Variants in PLD5 observed in about 807,000 individuals in gnomAD.
The protein encoded by PLD5 is inactive phospholipase D5.
Under a neutral mutation model 61.1 loss-of-function variants are expected in PLD5, and 36 were observed. That is an observed-to-expected ratio of 0.59 (90% CI 0.45 to 0.78). PLD5 has a LOEUF of 0.78. Ranked by LOEUF, PLD5 falls within the 30% of genes least tolerant of loss-of-function variation. The probability of loss-of-function intolerance (pLI) is 0.00; values close to 1 mark genes in which losing one functional copy is unlikely to be tolerated. For missense variants in PLD5, 515 were observed against 644.4 expected (o/e 0.80, Z 2.17); for synonymous variants, 243 against 242.8 (o/e 1.00, Z -0.01).
At chr1:242,447,886 G>T (rs758346163) in intron 1 of PLD5, among the ~76,000 whole-genome samples, 1 of 152,204 alleles carries the variant, frequency 6.6e-6, no homozygotes, top group Non-Finnish European at 1.5e-5. Flanking sequence ...GAGGGACTCT[G>T]CATTTCAGCC....
chr1:242,299,614 T>C (rs536475812), intron 2 of PLD5, among the ~76,000 whole-genome samples: 18 of 152,282 alleles, frequency 1.2e-4, no homozygotes, highest in Admixed American at 9.8e-4. Flanking sequence ...ATTCTGGGTG[T>C]TTTTCCCCCC....
rs148249355 is a variant in PLD5 at position 242,110,537 on chromosome 1, C to T, written c.1071-2698G>A. 4.4e-3 allele frequency among the ~76,000 whole-genome samples: 669 copies of T among 152,238 alleles called. 6 individuals are homozygous for T. Among genetic ancestry groups the T allele is most frequent in the South Asian group, 0.017 (80 of 4,820 alleles). Reference sequence around the variant, plus strand: ...AATATTTGTTGACTGAAGCCAGGCGCGGTGGCTCATACCTGTAATCCTAGT... The same window carrying T: ...AATATTTGTTGACTGAAGCCAGGCGTGGTGGCTCATACCTGTAATCCTAGT... On this transcript the variant is annotated intron_variant, in intron 7 of 9. Coordinates refer to ENST00000536534, the MANE Select transcript of PLD5 (RefSeq NM_001372062.1).
At chr1:242,150,758 T>C (rs1233941265) in intron 5 of PLD5, among the ~76,000 whole-genome samples, 1 of 151,880 alleles carries the variant, frequency 6.6e-6, no homozygotes, top group Non-Finnish European at 1.5e-5. Flanking sequence ...TCTGTCAATC[T>C]TTTTCTTTTA....
intron 5 of PLD5, among the ~76,000 whole-genome samples, chr1:242,137,839 G>A (rs1366417726): frequency 6.6e-6 from 1 of 151,902 alleles, no homozygotes; most frequent in African/African-American, 2.4e-5. Context: ...ACTGAATGTG[G>A]GGGAAAAAGA....
intron 5 of PLD5, among the ~76,000 whole-genome samples, chr1:242,158,020 C>G (rs1169333814): frequency 4.6e-5 from 7 of 150,908 alleles, no homozygotes; most frequent in Non-Finnish European, 6.0e-5. Context: ...GAGGAGAAAT[C>G]TGGCAGTCTG....
At chr1:242,197,268 G>C (rs545911023) in intron 5 of PLD5, among the ~76,000 whole-genome samples, 1 of 152,126 alleles carries the variant, frequency 6.6e-6, no homozygotes, top group African/African-American at 2.4e-5. Flanking sequence ...TTCCTAAATG[G>C]TTCCCTTATT....
At chr1:242,327,651 A>G (rs1574740125) in intron 2 of PLD5, among the ~76,000 whole-genome samples, 1 of 152,358 alleles carries the variant, frequency 6.6e-6, no homozygotes, top group Non-Finnish European at 1.5e-5. Context: ...TCCTAAAAAA[A>G]CAGACTGATG....
chr1:242,109,044 TATACCC>T (rs1661279880), intron 7 of PLD5, among the ~76,000 whole-genome samples: 1 of 152,220 alleles, frequency 6.6e-6, no homozygotes, highest in Non-Finnish European at 1.5e-5. Context: ...TGTCTGGTTT[TATACCC>T]ATGAAGCTGA....
chr1:242,427,265 T>C (rs1402593923), intron 1 of PLD5, among the ~76,000 whole-genome samples: 1 of 152,240 alleles, frequency 6.6e-6, no homozygotes. Flanking sequence ...AAGGATACTG[T>C]AGAAAGTTTC....
At chr1:242,107,590 A>G (rs544568462) in intron 8 of PLD5, 81 bp downstream of exon 8, 61 of 1,311,624 alleles carry the variant, frequency 4.7e-5, no homozygotes, top group Non-Finnish European at 6.0e-5. Flanking sequence ...AACTTTACAC[A>G]TAGGCGTATG....
intron 1 of PLD5, among the ~76,000 whole-genome samples, chr1:242,523,089 G>C (rs1241000647): frequency 6.6e-6 from 1 of 152,186 alleles, no homozygotes; most frequent in African/African-American, 2.4e-5. Context: ...GGAAATGCGT[G>C]AGTTCCAGGA....
intron 5 of PLD5, among the ~76,000 whole-genome samples, chr1:242,170,498 T>TCTC (rs1666668418): frequency 6.6e-6 from 1 of 151,552 alleles, no homozygotes; most frequent in Non-Finnish European, 1.5e-5. Context: ...GAACACCTCT[T>TCTC]CTCCAAAGGA....
At chr1:242,223,847 TAAATAG>T (rs1004995496) in intron 4 of PLD5, among the ~76,000 whole-genome samples, 4 of 119,360 alleles carry the variant, frequency 3.4e-5, no homozygotes, top group African/African-American at 6.9e-5. Context: ...TAGATATATA[TAAATAG>T]AGAGAGAGAG....
chr1:242,090,100 A>G lies in PLD5; in HGVS notation c.1365T>C (p.Asp455=), dbSNP rs776281480. 1.9e-6 allele frequency: 3 copies of G among 1,613,772 alleles called. No individual in the cohort carries two copies. Among genetic ancestry groups the G allele is most frequent in the Admixed American group, 1.7e-5 (1 of 60,008 alleles). Reference sequence around the variant, plus strand: ...TCTGAGTGAAATCATTCCCTACCCAATCAAAATTTCCTGCAAACAAACAAA... The same window carrying G: ...TCTGAGTGAAATCATTCCCTACCCAGTCAAAATTTCCTGCAAACAAACAAA... ...TDGAAYIGNF[D]WVGNDFTQNA... Residue 455 remains aspartate, a synonymous_variant, in exon 10 of 10, where the codon GAT becomes GAC. Transcript: ENST00000536534.
At chr1:242,279,806 A>G (rs932990758) in intron 3 of PLD5, among the ~76,000 whole-genome samples, 1 of 152,250 alleles carries the variant, frequency 6.6e-6, no homozygotes, top group Non-Finnish European at 1.5e-5. Context: ...TGCTGGGATT[A>G]CAGGCGTTGG....
chr1:242,168,218 G>C (rs886959568), intron 5 of PLD5, among the ~76,000 whole-genome samples: 2 of 152,152 alleles, frequency 1.3e-5, no homozygotes, highest in African/African-American at 2.4e-5. Context: ...AATCAAACAT[G>C]TATGTCTTTA....
intron 2 of PLD5, among the ~76,000 whole-genome samples, chr1:242,339,941 C>T (rs1287182652): frequency 6.6e-6 from 1 of 152,176 alleles, no homozygotes; most frequent in Non-Finnish European, 1.5e-5. Context: ...AAATGACTCA[C>T]TTATGTTTAA....
chr1:242,239,552 T>C (rs1671861071), intron 4 of PLD5, among the ~76,000 whole-genome samples: 2 of 152,210 alleles, frequency 1.3e-5, no homozygotes, highest in Non-Finnish European at 1.5e-5. Flanking sequence ...CTGATTAACA[T>C]GATTACACAA....
chr1:242,170,178 T>G (rs397486), intron 5 of PLD5, among the ~76,000 whole-genome samples: 127,381 of 151,806 alleles, frequency 0.84, 53,926 homozygotes, highest in African/African-American at 0.95. Context: ...CCTCATGCAT[T>G]AGAGCTCCAA....
Sources: allele counts gnomAD v4.1 joint callset (sites outside exome capture counted in the v4.1 genomes callset), GRCh38; gene constraint gnomAD v4.1.1; transcripts MANE v1.5; gene names NCBI Gene and HGNC (gene_info 2026-07-23, HGNC 2026-07-21).